Variants in TRNT1 observed in about 807,000 individuals in gnomAD.
TRNT1 encodes CCA tRNA nucleotidyltransferase 1, mitochondrial.
A neutral mutation model predicts 45.6 loss-of-function variants in TRNT1; 44 were observed. That is an observed-to-expected ratio of 0.97 (90% CI 0.76 to 1.24). TRNT1 has a LOEUF of 1.24. Among genes scored for constraint, TRNT1 ranks in the 50% most tolerant of loss-of-function variants. TRNT1 has a pLI of 0.00. For synonymous variants in TRNT1, 201 were observed against 171.4 expected (o/e 1.17, Z -1.35); for missense variants, 633 against 504.4 (o/e 1.25, Z -2.44).
intron 4 of TRNT1, among the ~76,000 whole-genome samples, chr3:3,143,167 T>A (rs532163467): frequency 1.3e-5 from 2 of 152,326 alleles, no homozygotes; most frequent in African/African-American, 4.8e-5. Flanking sequence ...TGTCTGTGTT[T>A]CGGCTCTAAA....
downstream of TRNT1, chr3:3,149,271 ATACT>A (rs565522464): frequency 2.2e-4 from 34 of 152,230 alleles, no homozygotes; most frequent in African/African-American, 4.6e-4. Context: ...ATACTTTGAA[ATACT>A]TACTTAAAAT....
At chr3:3,144,762 A>AT (rs1265274556) in intron 5 of TRNT1, 52 bp downstream of exon 5, 1 of 1,433,052 alleles carries the variant, frequency 7.0e-7, no homozygotes, top group East Asian at 2.5e-5. Context: ...TGACTAGAGC[A>AT]TAACAGTGGT....
In TRNT1 at chr3:3,147,484, C is replaced by CA; in HGVS notation, c.840dup (p.Val281SerfsTer3). ...CTAATGCAAGTTTAGAAGAATTTGA[C>CA]AAAGTCAGTAAAAATGTTGATGGTT... On this transcript the variant is annotated frameshift_variant, in exon 7 of 8. Transcript: ENST00000251607. LOFTEE classifies it high-confidence loss of function. 6.2e-7 allele frequency: 1 copy of CA among 1,613,642 alleles called. No individual in the cohort carries two copies. Among genetic ancestry groups the CA allele is most frequent in the Non-Finnish European group, 8.5e-7 (1 of 1,179,698 alleles).
At chr3:3,141,106 TG>T (rs1012696831) in intron 4 of TRNT1, among the ~76,000 whole-genome samples, 3 of 152,210 alleles carry the variant, frequency 2.0e-5, no homozygotes, top group South Asian at 2.1e-4. Context: ...CCAAAATCCC[TG>T]GGTTCAAATT....
chr3:3,131,254 T>G (rs1705000160), intron 2 of TRNT1: 1 of 152,126 alleles, frequency 6.6e-6, no homozygotes, highest in South Asian at 2.1e-4. Flanking sequence ...TTGGGTTGAG[T>G]TGAAGCTTTT....
At chr3:3,137,174 T>C (rs1013132685) in intron 2 of TRNT1, 86 bp from the exon 3 acceptor site, 3 of 1,112,606 alleles carry the variant, frequency 2.7e-6, no homozygotes, top group Admixed American at 3.0e-5. Context: ...TCCAACTAGA[T>C]GGAAAAGCCT....
Position 3,140,805 on chromosome 3 carries a change from G to A in TRNT1, c.481+157G>A, listed in dbSNP as rs143062509. On this transcript the variant is annotated intron_variant, in intron 4 of 7. Coordinates refer to ENST00000251607, the MANE Select transcript of TRNT1 (RefSeq NM_182916.3). The stretch of plus-strand genomic sequence containing the variant: ...TGCTTCAAAGAATAGTCCCTCAGCC[G>A]GGCACGGTGGGTCACGCCTGTAATC... 3.5e-4 allele frequency: 307 copies of A among 885,292 alleles called. 1 individual carries two copies. In the East Asian group the frequency reaches 8.6e-3, roughly 25 times the overall value. 54.8% of individuals were successfully genotyped at this position (885,292 alleles called of 1,614,324 possible). A position where few individuals can be genotyped will look rare whatever the true frequency, so the allele number is the denominator to read the frequency against.
intron 2 of TRNT1, among the ~76,000 whole-genome samples, chr3:3,132,738 A>C (rs1012167874): frequency 1.7e-4 from 23 of 133,616 alleles, no homozygotes; most frequent in Non-Finnish European, 2.2e-4. Flanking sequence ...AAGGAAAAAA[A>C]AAAAAACACA....
chr3:3,129,209 T>G (rs752080501), intron 2 of TRNT1, 21 bp downstream of exon 2: 7 of 1,611,238 alleles, frequency 4.3e-6, no homozygotes, highest in Non-Finnish European at 5.9e-6. Flanking sequence ...AGGATACCTT[T>G]TCTTGATTGG....
chr3:3,129,184 G>A lies in TRNT1; in HGVS notation c.144G>A (p.Leu48=). The A allele has an allele frequency of 6.2e-7, 1 of 1,614,054 alleles. No homozygotes were observed. Among genetic ancestry groups the A allele is most frequent in the East Asian group, 2.2e-5 (1 of 44,880 alleles). The change falls in exon 2 of 8, where the codon CTG becomes CTA. Residue 48 remains leucine, a synonymous_variant. Transcript: ENST00000251607. ...QSLFTEGLKS[L]TELFVKENHE... ...TTTTCACAGAAGGACTGAAGAGTCTGACAGGTGAGAGATTAGGATACCTTT... is the reference window on the plus strand; with the variant it reads ...TTTTCACAGAAGGACTGAAGAGTCTAACAGGTGAGAGATTAGGATACCTTT...
At chr3:3,137,582 A>T (rs1705405393) in intron 3 of TRNT1, 129 bp downstream of exon 3, 2 of 664,562 alleles carry the variant, frequency 3.0e-6, no homozygotes, top group South Asian at 4.8e-5. Flanking sequence ...CCCGTCATAA[A>T]CCCTGCAGTC....
intron 2 of TRNT1, among the ~76,000 whole-genome samples, chr3:3,135,619 G>A (rs1186227100): frequency 1.3e-5 from 2 of 152,184 alleles, no homozygotes; most frequent in Non-Finnish European, 2.9e-5. Context: ...ATTTTAAGGA[G>A]TCTACAGAGA....
downstream of TRNT1, chr3:3,150,848 A>ATCTC: frequency 6.7e-7 from 1 of 1,484,546 alleles, no homozygotes; most frequent in African/African-American, 1.4e-5. Context: ...AGATAACTTT[A>ATCTC]TCTCTATCAC....
intron 3 of TRNT1, among the ~76,000 whole-genome samples, chr3:3,139,892 GGTTTTTTTGTAT>G (rs1705540015): frequency 6.6e-6 from 1 of 151,986 alleles, no homozygotes. Flanking sequence ...ACACCTGGCT[GGTTTTTTTGTAT>G]GTTTGGTAGA....
At chr3:3,129,246 G>C (rs1197321938) in intron 2 of TRNT1, 58 bp downstream of exon 2, 2 of 1,456,880 alleles carry the variant, frequency 1.4e-6, no homozygotes, top group African/African-American at 1.4e-5. Flanking sequence ...AGAAGTAGAG[G>C]GTTAACTTTT....
chr3:3,134,351 A>G (rs546099397), intron 2 of TRNT1, among the ~76,000 whole-genome samples: 43 of 152,296 alleles, frequency 2.8e-4, no homozygotes, highest in African/African-American at 9.9e-4. Flanking sequence ...ATGCCTTGAT[A>G]CGTCTTTCTC....
intron 1 of TRNT1, 56 bp downstream of exon 1, chr3:3,127,046 C>T (rs372070480): frequency 6.6e-6 from 1 of 152,382 alleles, no homozygotes; most frequent in Non-Finnish European, 1.5e-5. Flanking sequence ...GTTGCTGCCC[C>T]TTCCTTCCTG....
rs1000601677 is a variant in TRNT1, at chr3:3,148,106, T to C, written c.1257T>C (p.Gly419=). The C allele has an allele frequency of 6.2e-7, 1 of 1,613,776 alleles. No individual in the cohort carries two copies. The highest frequency in any genetic ancestry group is 1.1e-5 in the South Asian group (1 of 91,064). ...QQLREQWKKS[G]YQMEKDELLS... ...TGCGAGAACAGTGGAAAAAAAGTGG[T>C]TACCAAATGGAAAAAGATGAACTTC... The change falls in exon 8 of 8, where the codon GGT becomes GGC. Residue 419 remains glycine, a synonymous_variant. Transcript: ENST00000251607.
chr3:3,151,082 T>C, downstream of TRNT1: 2 of 1,605,194 alleles, frequency 1.2e-6, no homozygotes, highest in Non-Finnish European at 1.7e-6. Context: ...TAAGGAAACA[T>C]TTCTGTACTC....
Sources: gnomAD v4.1 joint callset for allele counts (sites outside exome capture counted in the v4.1 genomes callset) on GRCh38, gnomAD v4.1.1 for gene constraint, MANE v1.5 for transcripts, NCBI Gene and HGNC (gene_info 2026-07-23, HGNC 2026-07-21) for gene names.